CBLN2: variants seen among roughly 807,000 people sequenced by gnomAD.
CBLN2 encodes the protein cerebellin 2 precursor, also known as cerebellin-2.
Under a neutral mutation model 15.0 loss-of-function variants are expected in CBLN2, and 7 were observed. The observed-to-expected ratio is 0.47, with a 90% confidence interval of 0.27 to 0.88. The LOEUF (loss-of-function observed/expected upper bound fraction) is 0.88, where lower values mean the gene tolerates loss of function less well. CBLN2 is among the 40% of genes least tolerant of loss of function. The pLI is 0.14. For missense variants in CBLN2, 242 were observed against 304.5 expected, an observed-to-expected ratio of 0.79 and a Z score of 1.53; for synonymous variants, 149 against 135.2, an observed-to-expected ratio of 1.10 and a Z score of -0.71.
chr18:72,560,197 A>G (rs76277147), intron 1 of CBLN2, among the ~76,000 whole-genome samples: 9,593 of 152,238 alleles, frequency 0.063, 304 homozygotes, highest in East Asian at 0.095. Flanking sequence ...TTGTGGGTCT[A>G]AAGAGGGAGG....
At chr18:72,611,330 C>A (rs568739658) in intron 1 of CBLN2, among the ~76,000 whole-genome samples, 1 of 152,162 alleles carries the variant, frequency 6.6e-6, no homozygotes, top group Non-Finnish European at 1.5e-5. Flanking sequence ...ATGCTTTCAA[C>A]GTGGTCTGAA....
intron 1 of CBLN2, among the ~76,000 whole-genome samples, chr18:72,561,711 G>A (rs1195602577): frequency 1.3e-5 from 2 of 152,134 alleles, no homozygotes; most frequent in African/African-American, 4.8e-5. Context: ...ACATTTAAAA[G>A]GCAGCCTTCT....
upstream of CBLN2, chr18:72,544,741 G>C (rs768121459): frequency 6.6e-6 from 1 of 151,974 alleles, no homozygotes; most frequent in Non-Finnish European, 1.5e-5. Context: ...TGATTTTCCG[G>C]ATCTTCACTG....
At chr18:72,550,741 C>T (rs189177414) in intron 1 of CBLN2, among the ~76,000 whole-genome samples, 46 of 151,116 alleles carry the variant, frequency 3.0e-4, no homozygotes, top group Non-Finnish European at 1.5e-5. Flanking sequence ...CCTCTATGTG[C>T]CTTTAGGGAG....
intron 1 of CBLN2, among the ~76,000 whole-genome samples, chr18:72,557,433 T>C (rs1162183696): frequency 6.6e-6 from 1 of 152,218 alleles, no homozygotes; most frequent in Non-Finnish European, 1.5e-5. Context: ...GTATTTTTGT[T>C]CTAGATCTCT....
At chr18:72,564,978 G>A (rs991120411) in intron 1 of CBLN2, among the ~76,000 whole-genome samples, 4 of 152,138 alleles carry the variant, frequency 2.6e-5, no homozygotes, top group Admixed American at 1.3e-4. Flanking sequence ...AGTTAGGAGA[G>A]AACGAGAAGA....
At chr18:72,619,933 G>A (rs1041493243) in intron 1 of CBLN2, among the ~76,000 whole-genome samples, 27 of 152,218 alleles carry the variant, frequency 1.8e-4, no homozygotes, top group African/African-American at 5.1e-4. Context: ...GAACTGAAGT[G>A]AGCACTTTTA....
chr18:72,541,926 T>G lies in CBLN2; in HGVS notation c.235A>C (p.Thr79Pro). ...CGCACGGAGATGCCTAGGGAGGAGG[T>G]GACGGCGCCGTCCGCCGACGGGCTG... ...DSSPSADGAV[T>P]SSLGISVRSG... The change falls in exon 3 of 5, where the codon ACC becomes CCC. Residue 79 changes from threonine (T) to proline (P), a missense_variant. Transcript: ENST00000269503. 2 of 1,607,958 alleles carry G rather than the reference T, an allele frequency of 1.2e-6. No homozygotes were observed. The highest frequency in any genetic ancestry group is 1.7e-6 in the Non-Finnish European group (2 of 1,179,408).
At chr18:72,632,886 C>A (rs2069786189) in intron 1 of CBLN2, among the ~76,000 whole-genome samples, 1 of 152,298 alleles carries the variant, frequency 6.6e-6, no homozygotes, top group East Asian at 1.9e-4. Context: ...TAGGAAGCTC[C>A]TTGCAGGCAG....
chr18:72,593,012 C>T (rs2069490029), intron 1 of CBLN2, among the ~76,000 whole-genome samples: 1 of 151,980 alleles, frequency 6.6e-6, no homozygotes, highest in Non-Finnish European at 1.5e-5. Flanking sequence ...GATTTTTCCC[C>T]TATTTTCACG....
At chr18:72,563,912 G>A (rs887872791) in intron 1 of CBLN2, among the ~76,000 whole-genome samples, 5 of 152,178 alleles carry the variant, frequency 3.3e-5, no homozygotes, top group African/African-American at 1.2e-4. Flanking sequence ...AGGCTACTGA[G>A]GCACTCACAG....
chr18:72,568,916 A>T (rs1455653356), intron 1 of CBLN2, among the ~76,000 whole-genome samples: 1 of 152,228 alleles, frequency 6.6e-6, no homozygotes, highest in Admixed American at 6.5e-5. Context: ...GAAGAGTGAA[A>T]AAAAATCTGA....
At chr18:72,575,946 A>T (rs1471773651) in intron 1 of CBLN2, among the ~76,000 whole-genome samples, 1 of 152,144 alleles carries the variant, frequency 6.6e-6, no homozygotes, top group Non-Finnish European at 1.5e-5. Flanking sequence ...GGAGTATAGC[A>T]CCCTTTAGCC....
chr18:72,576,337 T>C (rs11665041), intron 1 of CBLN2, among the ~76,000 whole-genome samples: 109,049 of 152,044 alleles, frequency 0.72, 39,655 homozygotes, highest in South Asian at 0.87. Flanking sequence ...CCAGTCCAAA[T>C]GAGTGTTATC....
upstream of CBLN2, among the ~76,000 whole-genome samples, chr18:72,549,070 GAC>G (rs1308067891): frequency 2.0e-5 from 3 of 152,002 alleles, no homozygotes; most frequent in Non-Finnish European, 2.9e-5. Context: ...GGAGGGCAAT[GAC>G]ACAATCTCAG....
At chr18:72,596,756 G>A (rs1263808367) in intron 1 of CBLN2, among the ~76,000 whole-genome samples, 3 of 152,148 alleles carry the variant, frequency 2.0e-5, no homozygotes, top group Non-Finnish European at 4.4e-5. Flanking sequence ...CTCCTGGCCT[G>A]TATGGTTTCC....
At position 72,541,794 on chromosome 18, in the gene CBLN2, G is replaced by T. The variant is rs761819356; in HGVS notation, c.357+10C>A. 1.4e-5 allele frequency: 22 copies of T among 1,520,074 alleles called. No homozygotes were observed. The highest frequency in any genetic ancestry group is 1.9e-5 in the Non-Finnish European group (22 of 1,134,152). 94.2% of individuals were successfully genotyped at this position (1,520,074 alleles called of 1,614,324 possible). On this transcript the variant is annotated intron_variant, in intron 3 of 4. Transcript: ENST00000269503. ...GGGCTGGGGGCGGGGTGGGCAGGCC[G>T]ACGGCTGACCTGGTCGAAATAGATG...
chr18:72,540,674 C>T (rs891878102), intron 3 of CBLN2, among the ~76,000 whole-genome samples: 13 of 151,894 alleles, frequency 8.6e-5, no homozygotes, highest in South Asian at 2.1e-4. Context: ...ATGCCTTCCC[C>T]TGCCAAGAAA....
upstream of CBLN2, among the ~76,000 whole-genome samples, chr18:72,547,831 C>T (rs934145258): frequency 6.6e-6 from 1 of 152,080 alleles, no homozygotes; most frequent in Non-Finnish European, 1.5e-5. Context: ...TATTTTTGAT[C>T]GTTTAGTAAA....
Sources: gnomAD v4.1 joint callset for allele counts (sites outside exome capture counted in the v4.1 genomes callset) on GRCh38, gnomAD v4.1.1 for gene constraint, MANE v1.5 for transcripts, NCBI Gene and HGNC (gene_info 2026-07-23, HGNC 2026-07-21) for gene names.